XPO4: variants seen among roughly 807,000 people sequenced by gnomAD.
XPO4 encodes the protein exportin 4, also known as exportin-4.
XPO4 carries 39 observed loss-of-function variants against 143.0 expected under a neutral mutation model. The ratio of observed to expected loss-of-function variants is 0.27; its 90% CI spans 0.21 to 0.36. The LOEUF (loss-of-function observed/expected upper bound fraction) is 0.36. Among genes scored for constraint, XPO4 ranks in the 10% least tolerant of loss-of-function variants. The pLI, the probability that XPO4 is intolerant of heterozygous loss-of-function variation, is 1.00. For synonymous variants in XPO4, 439 were observed against 474.0 expected, an observed-to-expected ratio of 0.93 and a Z score of 0.96; for missense variants, 907 against 1,348.0, an observed-to-expected ratio of 0.67 and a Z score of 5.12.
chr13:20,849,712 A>G, intron 4 of XPO4: 5 of 984,278 alleles, frequency 5.1e-6, no homozygotes, highest in Non-Finnish European at 6.0e-6. Flanking sequence ...ATTAGATATA[A>G]TCTTTCCATA....
At chr13:20,848,174 T>C (rs1595127189) in intron 4 of XPO4, 1 of 931,898 alleles carries the variant, frequency 1.1e-6, no homozygotes, top group Non-Finnish European at 1.3e-6. Flanking sequence ...TAGTTCTAAA[T>C]GGATCATTTT....
chr13:20,811,865 C>T (rs887484668), intron 9 of XPO4, among the ~76,000 whole-genome samples: 1 of 152,130 alleles, frequency 6.6e-6, no homozygotes, highest in Non-Finnish European at 1.5e-5. Context: ...ATGAAGGCCT[C>T]TTGGCCTTTC....
chr13:20,806,169 C>T (rs1188983340), intron 13 of XPO4, among the ~76,000 whole-genome samples: 1 of 152,132 alleles, frequency 6.6e-6, no homozygotes, highest in Non-Finnish European at 1.5e-5. Context: ...TTTCCAGAGA[C>T]ACTAAATCTA....
At chr13:20,842,646 C>T (rs949215343) in intron 6 of XPO4, among the ~76,000 whole-genome samples, 2 of 152,150 alleles carry the variant, frequency 1.3e-5, no homozygotes, top group South Asian at 2.1e-4. Flanking sequence ...GCAACAGCTC[C>T]GTCATCCACC....
rs73437428 is a variant in XPO4 at position 20,832,256 on chromosome 13, G to C, written c.728-5077C>G. Among the ~76,000 whole-genome samples the C allele has an allele frequency of 1.5e-3, 227 of 152,200 alleles. 1 individual carries two copies. The highest frequency in any genetic ancestry group is 4.8e-3 in the African/African-American group (199 of 41,536). On this transcript the variant is annotated intron_variant, in intron 6 of 22. Transcript: ENST00000255305. ...GTCTCAAGTTCTCATACAACAAACA[G>C]CATTGTCATTAAATACGTACATCTT...
chr13:20,824,186 A>G (rs140243412), intron 7 of XPO4, among the ~76,000 whole-genome samples: 8 of 152,390 alleles, frequency 5.2e-5, no homozygotes, highest in South Asian at 2.1e-4. Context: ...TTTATATAGT[A>G]AATTCCAAGT....
chr13:20,849,681 A>T (rs2060064264), intron 4 of XPO4: 2 of 984,496 alleles, frequency 2.0e-6, no homozygotes, highest in African/African-American at 3.5e-5. Flanking sequence ...ATTAACTAAG[A>T]ATACATCATT....
At chr13:20,830,689 CATA>C (rs921660666) in intron 6 of XPO4, among the ~76,000 whole-genome samples, 1 of 152,014 alleles carries the variant, frequency 6.6e-6, no homozygotes, top group African/African-American at 2.4e-5. Context: ...GGAACAGCAT[CATA>C]ATGTTTATAC....
At chr13:20,834,235 T>G (rs879870818) in intron 6 of XPO4, among the ~76,000 whole-genome samples, 1 of 152,198 alleles carries the variant, frequency 6.6e-6, no homozygotes, top group African/African-American at 2.4e-5. Flanking sequence ...AATACAATTA[T>G]GTATATAATT....
intron 5 of XPO4, 52 bp downstream of exon 5, chr13:20,843,718 G>A (rs2060001304): frequency 1.6e-6 from 2 of 1,283,596 alleles, no homozygotes; most frequent in Non-Finnish European, 2.3e-6. Context: ...AATAGATTGA[G>A]TAAAAAGTGA....
rs2059133619 is a variant in XPO4 at position 20,780,829 on chromosome 13, C to T, written c.*2893G>A. The T allele has an allele frequency of 1.3e-5, 2 of 152,184 alleles. No individual in the cohort carries two copies. Among genetic ancestry groups the T allele is most frequent in the South Asian group, 4.1e-4 (2 of 4,824 alleles). The allele number at this position is 152,184 out of a possible 1,614,324, so 9.4% of individuals were successfully genotyped here. On this transcript the variant is annotated 3_prime_UTR_variant, in exon 23 of 23. Transcript: ENST00000255305. The stretch of plus-strand genomic sequence containing the variant: ...CAAATACTGTCAGGTAGTTTTGCTA[C>T]TGAGGCAGCCACTCATCCAGCACAA...
In XPO4 at chr13:20,780,287, AT is replaced by A. The variant is rs2059127427; in HGVS notation, c.*3434del. The A allele has an allele frequency of 6.6e-6, 1 of 152,228 alleles. No individual in the cohort carries two copies. Among genetic ancestry groups the A allele is most frequent in the South Asian group, 2.1e-4 (1 of 4,834 alleles). 9.4% of individuals were successfully genotyped at this position (152,228 alleles called of 1,614,324 possible). A position where few individuals can be genotyped will look rare whatever the true frequency, so the allele number is the denominator to read the frequency against. On this transcript the variant is annotated 3_prime_UTR_variant, in exon 23 of 23. Transcript: ENST00000255305. Reference sequence around the variant, plus strand: ...CAACAGAGGTGGCAAACAGATAAAAATTGTTTAACAGAGAAAAATATTATTT... The same window carrying A: ...CAACAGAGGTGGCAAACAGATAAAAATGTTTAACAGAGAAAAATATTATTT...
chr13:20,807,560 G>A lies in XPO4; in HGVS notation c.1714C>T (p.His572Tyr). The A allele has an allele frequency of 6.2e-7, 1 of 1,613,156 alleles. No individual in the cohort carries two copies. Among genetic ancestry groups the A allele is most frequent in the Admixed American group, 1.7e-5 (1 of 59,924 alleles). Residue 572 changes from histidine (H) to tyrosine (Y), a missense_variant, in exon 13 of 23, where the codon CAT becomes TAT. His to Tyr is a moderately conservative substitution (Grantham distance 83). Transcript: ENST00000255305. ...GTATTAATGTCAACTTCAGATGAAT[G>A]CTTAATGGAATATTCCATTATTTCT... is the stretch of plus-strand genomic sequence containing the variant. Reference protein sequence around the residue: ...PPEIMEYSIKHSSEVDINTTL... With the variant: ...PPEIMEYSIKYSSEVDINTTL...
In XPO4 at chr13:20,803,496, CA is replaced by C. The variant is rs2059462947; in HGVS notation, c.1818-2507del. Among the ~76,000 whole-genome samples the C allele has an allele frequency of 6.6e-6, 1 of 152,188 alleles. No individual in the cohort carries two copies. The highest frequency in any genetic ancestry group is 2.1e-4 in the South Asian group (1 of 4,822). ...TTTCTTCTACCTCAGAAATACCTCT[CA>C]TAACCCAAGAACCTTTCTCCATCTT... On this transcript the variant is annotated intron_variant, in intron 13 of 22. Transcript: ENST00000255305. The surrounding 1 kb of genome is among the most constrained non-coding windows in gnomAD (Gnocchi z 4.1).
chr13:20,891,210 C>T (rs2138180278), intron 1 of XPO4, among the ~76,000 whole-genome samples: 1 of 150,836 alleles, frequency 6.6e-6, no homozygotes, highest in Admixed American at 6.6e-5. Context: ...ACCACAGTGG[C>T]TCCCTTACAT....
intron 6 of XPO4, among the ~76,000 whole-genome samples, chr13:20,835,487 C>T (rs563972228): frequency 6.6e-6 from 1 of 152,142 alleles, no homozygotes; most frequent in Non-Finnish European, 1.5e-5. Flanking sequence ...ACAGGGCTGC[C>T]TACCTCAACC....
chr13:20,869,656 TA>T (rs1324768413), intron 1 of XPO4: 1,378 of 706,756 alleles, frequency 1.9e-3, no homozygotes, highest in Non-Finnish European at 2.2e-3. Flanking sequence ...GTCAAAATAA[TA>T]AAAAAAAAAG....
intron 6 of XPO4, among the ~76,000 whole-genome samples, chr13:20,830,228 C>A (rs1009545040): frequency 2.6e-5 from 4 of 152,136 alleles, no homozygotes; most frequent in African/African-American, 4.8e-5. Flanking sequence ...TTACACGTGG[C>A]CACGAGCATG....
At chr13:20,807,666 T>C in intron 12 of XPO4, 32 bp from the exon 13 acceptor site, 1 of 1,492,496 alleles carries the variant, frequency 6.7e-7, no homozygotes, top group Non-Finnish European at 9.0e-7. Flanking sequence ...AAATGAACAC[T>C]TAACAAATCT....
Sources: allele counts gnomAD v4.1 joint callset (sites outside exome capture counted in the v4.1 genomes callset), GRCh38; gene constraint gnomAD v4.1.1; non-coding constraint Gnocchi (gnomAD v3.1); transcripts MANE v1.5; gene names NCBI Gene and HGNC (gene_info 2026-07-23, HGNC 2026-07-21).